HIVEP3: variants seen among roughly 807,000 people sequenced by gnomAD.
HIVEP3 encodes the protein transcription factor HIVEP3.
In HIVEP3, 49 loss-of-function variants were observed where a neutral mutation model predicts 152.8. The observed-to-expected ratio is 0.32, with a 90% CI of 0.26 to 0.41. The LOEUF (loss-of-function observed/expected upper bound fraction) is 0.41. Among genes scored for constraint, HIVEP3 ranks in the 10% least tolerant of loss-of-function variants. HIVEP3 has a pLI of 1.00. For synonymous variants in HIVEP3, 1,269 were observed against 1,289.0 expected (o/e 0.98, Z 0.33); for missense variants, 2,790 against 3,103.3 (o/e 0.90, Z 2.40).
chr1:41,690,440 G>C (rs1189550137), intron 2 of HIVEP3, among the ~76,000 whole-genome samples: 1 of 152,212 alleles, frequency 6.6e-6, no homozygotes, highest in Non-Finnish European at 1.5e-5. Flanking sequence ...CCTTCTCTGA[G>C]TCCTCAGGCT....
intron 2 of HIVEP3, among the ~76,000 whole-genome samples, chr1:41,678,009 G>C (rs1486811701): frequency 6.6e-6 from 1 of 152,228 alleles, no homozygotes; most frequent in Non-Finnish European, 1.5e-5. Flanking sequence ...GCCTCTCTGT[G>C]CTGGGCTGTC....
At chr1:41,860,162 C>T (rs563345015) in intron 1 of HIVEP3, among the ~76,000 whole-genome samples, 1 of 152,206 alleles carries the variant, frequency 6.6e-6, no homozygotes, top group Non-Finnish European at 1.5e-5. Flanking sequence ...CTCTCATAAG[C>T]TTCTGCATAA....
At chr1:41,599,637 A>G (rs1018311968) in intron 3 of HIVEP3, among the ~76,000 whole-genome samples, 2 of 152,218 alleles carry the variant, frequency 1.3e-5, no homozygotes, top group African/African-American at 4.8e-5. Flanking sequence ...CTCTTAGAAA[A>G]CATAAGGAAG....
intron 1 of HIVEP3, among the ~76,000 whole-genome samples, chr1:41,763,892 C>G (rs925598051): frequency 9.2e-5 from 14 of 152,198 alleles, no homozygotes; most frequent in Admixed American, 5.9e-4. Flanking sequence ...GGAGAAGAAT[C>G]AGTGAAGACT....
chr1:41,516,993 A>G (rs1338989929), intron 7 of HIVEP3, among the ~76,000 whole-genome samples: 2 of 152,202 alleles, frequency 1.3e-5, no homozygotes, highest in African/African-American at 2.4e-5. Context: ...TGAGGGCAGG[A>G]GCTGTTTTAT....
chr1:41,974,126 G>A (rs955288751), intron 1 of HIVEP3, among the ~76,000 whole-genome samples: 1 of 152,144 alleles, frequency 6.6e-6, no homozygotes, highest in Non-Finnish European at 1.5e-5. Flanking sequence ...AGGAGGGCAG[G>A]GGGTGGAGGT....
At chr1:41,921,850 G>A (rs1412140176), upstream of HIVEP3, among the ~76,000 whole-genome samples, 1 of 152,026 alleles carries the variant, frequency 6.6e-6, no homozygotes, top group East Asian at 1.9e-4. Context: ...AGAAGCCAAA[G>A]GTTGAATAGG....
chr1:41,806,222 C>G (rs576343733), intron 1 of HIVEP3, among the ~76,000 whole-genome samples: 23 of 152,360 alleles, frequency 1.5e-4, no homozygotes, highest in African/African-American at 5.3e-4. Context: ...AGCCACCCCC[C>G]AGGGCTGCCC....
At chr1:41,871,425 T>A (rs1289382270) in intron 1 of HIVEP3, among the ~76,000 whole-genome samples, 2 of 151,058 alleles carry the variant, frequency 1.3e-5, no homozygotes, top group African/African-American at 2.4e-5. Flanking sequence ...AAAAAACCCC[T>A]GCATATTCTA....
intron 1 of HIVEP3, among the ~76,000 whole-genome samples, chr1:41,711,211 A>G (rs1646508488): frequency 6.6e-6 from 1 of 152,198 alleles, no homozygotes; most frequent in Non-Finnish European, 1.5e-5. Context: ...TATCTCCTTC[A>G]GAGAGGGGTG....
At chr1:42,035,093 AAGCAACTC>A (rs1270061605) in intron 1 of HIVEP3, among the ~76,000 whole-genome samples, 1 of 152,220 alleles carries the variant, frequency 6.6e-6, no homozygotes, top group Non-Finnish European at 1.5e-5. Flanking sequence ...AGGGATGGGA[AAGCAACTC>A]ACCAATACAA....
At chr1:41,973,618 C>T (rs1645243023) in intron 1 of HIVEP3, among the ~76,000 whole-genome samples, 1 of 152,246 alleles carries the variant, frequency 6.6e-6, no homozygotes, top group Non-Finnish European at 1.5e-5. Context: ...GTAGCCCAAT[C>T]ACAGAAGTGA....
Position 41,511,790 on chromosome 1 carries a change from G to A in HIVEP3, c.6406-524C>T, listed in dbSNP as rs1437247302. On this transcript the variant is annotated intron_variant, in intron 8 of 8. Coordinates refer to ENST00000372583, the MANE Select transcript of HIVEP3 (RefSeq NM_024503.5). The surrounding 1 kb of genome is among the most constrained non-coding windows in gnomAD (Gnocchi z 4.9). ...TGACAGGGCTGGGTCATGGCAACACGGGGACAGAGAAGGTGTCGGAAGGGG... is the reference window on the plus strand; with the variant it reads ...TGACAGGGCTGGGTCATGGCAACACAGGGACAGAGAAGGTGTCGGAAGGGG... Among the ~76,000 whole-genome samples the A allele has an allele frequency of 3.9e-5, 6 of 152,114 alleles. No homozygotes were observed. The highest frequency in any genetic ancestry group is 1.2e-4 in the African/African-American group (5 of 41,400).
intron 1 of HIVEP3, among the ~76,000 whole-genome samples, chr1:41,985,366 G>C (rs752039702): frequency 6.6e-6 from 1 of 152,164 alleles, no homozygotes; most frequent in Non-Finnish European, 1.5e-5. Flanking sequence ...ATAAACAATA[G>C]AAATTATTTC....
chr1:41,818,651 T>C (rs1194092161), intron 1 of HIVEP3, among the ~76,000 whole-genome samples: 4 of 152,142 alleles, frequency 2.6e-5, no homozygotes, highest in Non-Finnish European at 5.9e-5. Context: ...GGACATACCA[T>C]ACCGAATGAA....
chr1:41,754,009 A>AAGTG (rs34781638), intron 1 of HIVEP3, among the ~76,000 whole-genome samples: 10,694 of 152,166 alleles, frequency 0.07, 502 homozygotes, highest in Non-Finnish European at 0.11. Context: ...GAAGGTGAGG[A>AAGTG]AGTGAGTGAG....
intron 1 of HIVEP3, among the ~76,000 whole-genome samples, chr1:41,745,094 C>T (rs1317593301): frequency 6.6e-6 from 1 of 152,134 alleles, no homozygotes; most frequent in Non-Finnish European, 1.5e-5. Flanking sequence ...GGTTCCTTTC[C>T]CTCAGTTTCT....
At chr1:41,835,357 C>T (rs1453779375) in intron 1 of HIVEP3, among the ~76,000 whole-genome samples, 1 of 152,156 alleles carries the variant, frequency 6.6e-6, no homozygotes, top group Non-Finnish European at 1.5e-5. Flanking sequence ...CTCCTCACTG[C>T]GTCCCAGCAT....
At chr1:41,573,825 C>T (rs146538304) in intron 5 of HIVEP3, among the ~76,000 whole-genome samples, 2 of 152,210 alleles carry the variant, frequency 1.3e-5, no homozygotes, top group African/African-American at 2.4e-5. Flanking sequence ...AGAACTCAAC[C>T]GAGAGGATTC....
Sources: gnomAD v4.1 joint callset for allele counts (sites outside exome capture counted in the v4.1 genomes callset) on GRCh38, gnomAD v4.1.1 for gene constraint, Gnocchi (gnomAD v3.1) non-coding constraint, MANE v1.5 for transcripts, NCBI Gene and HGNC (gene_info 2026-07-23, HGNC 2026-07-21) for gene names.